Variants in ADCY2 observed in about 807,000 individuals in gnomAD.
ADCY2 encodes adenylate cyclase 2.
Under a neutral mutation model 125.2 loss-of-function variants are expected in ADCY2, and 31 were observed. The ratio of observed to expected loss-of-function variants is 0.25; its 90% CI spans 0.19 to 0.33. The LOEUF (loss-of-function observed/expected upper bound fraction) is 0.33. ADCY2 is among the 10% of genes least tolerant of loss of function. The probability of loss-of-function intolerance (pLI) is 1.00; values close to 1 mark genes in which losing one functional copy is unlikely to be tolerated. For synonymous variants in ADCY2, 512 were observed against 548.4 expected (o/e 0.93, Z 0.93); for missense variants, 904 against 1,418.2 (o/e 0.64, Z 5.82).
chr5:7,549,602 A>G (rs2126571900), intron 3 of ADCY2, among the ~76,000 whole-genome samples: 1 of 152,300 alleles, frequency 6.6e-6, no homozygotes, highest in South Asian at 2.1e-4. Context: ...TGGCTTCACC[A>G]CCACTTGAAT....
intron 15 of ADCY2, among the ~76,000 whole-genome samples, chr5:7,753,881 T>C (rs994235003): frequency 1.3e-5 from 2 of 152,182 alleles, no homozygotes; most frequent in African/African-American, 4.8e-5. Context: ...TTTTTACACT[T>C]CAGAACAGGT....
At chr5:7,471,607 T>C (rs1020284383) in intron 2 of ADCY2, among the ~76,000 whole-genome samples, 1 of 152,056 alleles carries the variant, frequency 6.6e-6, no homozygotes, top group African/African-American at 2.4e-5. Context: ...TAAATTATAT[T>C]TTAGAGTTAT....
chr5:7,694,651 C>T (rs1740829561), intron 5 of ADCY2, among the ~76,000 whole-genome samples: 1 of 152,168 alleles, frequency 6.6e-6, no homozygotes, highest in South Asian at 2.1e-4. Flanking sequence ...TATGGATAGA[C>T]CACATTTTGT....
chr5:7,450,523 T>G (rs1741434049), intron 2 of ADCY2, among the ~76,000 whole-genome samples: 1 of 152,230 alleles, frequency 6.6e-6, no homozygotes, highest in Non-Finnish European at 1.5e-5. Flanking sequence ...CATCATTTCC[T>G]TAACATAAAC....
intron 14 of ADCY2, among the ~76,000 whole-genome samples, chr5:7,736,468 A>G (rs1376055431): frequency 6.6e-6 from 1 of 152,202 alleles, no homozygotes; most frequent in East Asian, 1.9e-4. Context: ...ACAGATAGTC[A>G]GCTCTATTAG....
At chr5:7,762,535 G>A (rs2126467397) in intron 16 of ADCY2, among the ~76,000 whole-genome samples, 1 of 152,334 alleles carries the variant, frequency 6.6e-6, no homozygotes, top group Non-Finnish European at 1.5e-5. Flanking sequence ...TGGTGCAAGG[G>A]AAGCATACTC....
intron 3 of ADCY2, among the ~76,000 whole-genome samples, chr5:7,594,011 T>C (rs1736928417): frequency 6.6e-6 from 1 of 152,022 alleles, no homozygotes; most frequent in African/African-American, 2.4e-5. Context: ...AGCCCTGAGA[T>C]TGGAGAGGTG....
intron 2 of ADCY2, among the ~76,000 whole-genome samples, chr5:7,501,647 C>T (rs1464698275): frequency 2.0e-5 from 1 of 50,564 alleles, no homozygotes; most frequent in African/African-American, 7.2e-5. Context: ...ATTCCCCCCT[C>T]CCCCCCCCCC....
At chr5:7,721,352 G>A (rs1451083635) in intron 12 of ADCY2, among the ~76,000 whole-genome samples, 2 of 152,186 alleles carry the variant, frequency 1.3e-5, no homozygotes, top group Admixed American at 1.3e-4. Context: ...TAGGTTGCCT[G>A]TTCACTCTGA....
At chr5:7,467,051 T>C (rs1413740603) in intron 2 of ADCY2, among the ~76,000 whole-genome samples, 1 of 152,174 alleles carries the variant, frequency 6.6e-6, no homozygotes, top group Non-Finnish European at 1.5e-5. Context: ...ACCCTGGGCT[T>C]ATCGGGATGT....
intron 15 of ADCY2, among the ~76,000 whole-genome samples, chr5:7,752,534 G>A (rs1742859403): frequency 6.6e-6 from 1 of 151,480 alleles, no homozygotes; most frequent in Non-Finnish European, 1.5e-5. Context: ...CTCTTCAAGT[G>A]TCTCATCTTA....
chr5:7,454,342 T>G (rs1455993161), intron 2 of ADCY2, among the ~76,000 whole-genome samples: 1 of 152,232 alleles, frequency 6.6e-6, no homozygotes, highest in Non-Finnish European at 1.5e-5. Flanking sequence ...TTATATGCAC[T>G]GGGAAACTAA....
intron 16 of ADCY2, among the ~76,000 whole-genome samples, chr5:7,758,067 G>A (rs993716013): frequency 1.3e-5 from 2 of 152,128 alleles, no homozygotes; most frequent in South Asian, 4.1e-4. Context: ...TAAATGATGC[G>A]ATTGCAACCC....
intron 3 of ADCY2, among the ~76,000 whole-genome samples, chr5:7,574,833 G>A (rs756476589): frequency 6.6e-6 from 1 of 152,166 alleles, no homozygotes; most frequent in African/African-American, 2.4e-5. Context: ...TCTAAGAATG[G>A]TTATTGAATT....
chr5:7,412,593 C>T (rs1739767244), intron 1 of ADCY2, among the ~76,000 whole-genome samples: 1 of 152,230 alleles, frequency 6.6e-6, no homozygotes, highest in South Asian at 2.1e-4. Context: ...ATAACTTAGG[C>T]ACTTAATCGT....
At chr5:7,711,200 C>T (rs1184177674) in intron 10 of ADCY2, among the ~76,000 whole-genome samples, 4 of 152,116 alleles carry the variant, frequency 2.6e-5, no homozygotes, top group Non-Finnish European at 5.9e-5. Context: ...ATAAAATCAT[C>T]AAGAAGAGAA....
intron 11 of ADCY2, among the ~76,000 whole-genome samples, chr5:7,716,851 T>G (rs1741608261): frequency 6.6e-6 from 1 of 152,114 alleles, no homozygotes; most frequent in African/African-American, 2.4e-5. Context: ...GGCCCAAACT[T>G]TAGTTGGATA....
chr5:7,592,797 A>G (rs188348069), intron 3 of ADCY2, among the ~76,000 whole-genome samples: 7 of 152,290 alleles, frequency 4.6e-5, no homozygotes, highest in Non-Finnish European at 7.4e-5. Context: ...TTCATCTTGT[A>G]CCAGGCAATG....
At chr5:7,738,902 A>G (rs775723642) in intron 14 of ADCY2, among the ~76,000 whole-genome samples, 9 of 151,952 alleles carry the variant, frequency 5.9e-5, no homozygotes. Flanking sequence ...AACCTACAGT[A>G]GACCATAAAA....
Sources: gnomAD v4.1 joint callset for allele counts (sites outside exome capture counted in the v4.1 genomes callset) on GRCh38, gnomAD v4.1.1 for gene constraint, MANE v1.5 for transcripts, NCBI Gene and HGNC (gene_info 2026-07-23, HGNC 2026-07-21) for gene names.